SLC25A21: variants seen among roughly 807,000 people sequenced by gnomAD.
The protein encoded by SLC25A21 is mitochondrial 2-oxodicarboxylate carrier.
Under a neutral mutation model 43.8 loss-of-function variants are expected in SLC25A21, and 47 were observed. The observed-to-expected ratio is 1.07, with a 90% CI of 0.85 to 1.37. The LOEUF is 1.37. Ranked by LOEUF, SLC25A21 falls within the 40% of genes most tolerant of loss-of-function variation. The pLI is 0.00. For synonymous variants in SLC25A21, 131 were observed against 121.3 expected (o/e 1.08, Z -0.52); for missense variants, 352 against 350.2 (o/e 1.00, Z -0.04).
intron 1 of SLC25A21, among the ~76,000 whole-genome samples, chr14:37,135,481 G>A (rs1265666510): frequency 6.6e-6 from 1 of 152,120 alleles, no homozygotes; most frequent in Non-Finnish European, 1.5e-5. Context: ...CCCACCCTCG[G>A]CCTCCCAAAG....
At chr14:36,688,498 T>C (rs1013482887) in intron 7 of SLC25A21, among the ~76,000 whole-genome samples, 1 of 152,224 alleles carries the variant, frequency 6.6e-6, no homozygotes, top group Non-Finnish European at 1.5e-5. Context: ...CTGTCCCCTC[T>C]ACCCAGACCC....
intron 1 of SLC25A21, among the ~76,000 whole-genome samples, chr14:37,164,003 T>C (rs1222664814): frequency 6.6e-6 from 1 of 152,172 alleles, no homozygotes; most frequent in African/African-American, 2.4e-5. Context: ...TAAGAAGCTG[T>C]AGTCAAGGCT....
chr14:37,133,143 G>GCGCACACACA (rs144803616), intron 1 of SLC25A21, among the ~76,000 whole-genome samples: 5 of 147,962 alleles, frequency 3.4e-5, no homozygotes, highest in African/African-American at 1.2e-4. Context: ...GTGCACTCGT[G>GCGCACACACA]CACACACACA....
intron 1 of SLC25A21, among the ~76,000 whole-genome samples, chr14:36,998,110 GTGT>G (rs1342553370): frequency 6.6e-6 from 1 of 152,162 alleles, no homozygotes; most frequent in African/African-American, 2.4e-5. Flanking sequence ...GTTCTGCACA[GTGT>G]TATTATTTTA....
chr14:36,730,739 C>T (rs1278352947), intron 4 of SLC25A21, among the ~76,000 whole-genome samples: 2 of 152,146 alleles, frequency 1.3e-5, no homozygotes, highest in Non-Finnish European at 2.9e-5. Context: ...CATTCATTCA[C>T]TCGTTTAATA....
intron 1 of SLC25A21, among the ~76,000 whole-genome samples, chr14:36,969,744 G>A (rs1384763328): frequency 6.6e-6 from 1 of 151,786 alleles, no homozygotes; most frequent in African/African-American, 2.4e-5. Context: ...CTACCTCCTT[G>A]GCCTCCCAAA....
chr14:36,769,137 G>T (rs1008968575), intron 3 of SLC25A21, among the ~76,000 whole-genome samples: 1 of 152,166 alleles, frequency 6.6e-6, no homozygotes, highest in Admixed American at 6.5e-5. Flanking sequence ...AGGTGATGTG[G>T]CATTACTGAA....
chr14:36,758,304 C>G (rs1160911247), intron 3 of SLC25A21, among the ~76,000 whole-genome samples: 2 of 152,094 alleles, frequency 1.3e-5, no homozygotes, highest in African/African-American at 4.8e-5. Context: ...CTTCAAGTGG[C>G]TGATTATGGG....
At chr14:36,937,292 C>G (rs926414799) in intron 1 of SLC25A21, among the ~76,000 whole-genome samples, 1 of 152,136 alleles carries the variant, frequency 6.6e-6, no homozygotes, top group Non-Finnish European at 1.5e-5. Flanking sequence ...AAGGAGTGAA[C>G]AAGTACTCCC....
At chr14:36,821,760 C>G (rs957703533) in intron 2 of SLC25A21, among the ~76,000 whole-genome samples, 3 of 152,060 alleles carry the variant, frequency 2.0e-5, no homozygotes, top group Non-Finnish European at 4.4e-5. Flanking sequence ...GAGGTTGCAG[C>G]GAGCAGAGAT....
At chr14:37,083,027 T>C (rs1962418141) in intron 1 of SLC25A21, among the ~76,000 whole-genome samples, 2 of 152,222 alleles carry the variant, frequency 1.3e-5, no homozygotes, top group Admixed American at 1.3e-4. Flanking sequence ...CGCTCAACTG[T>C]AACTGTCTCA....
Position 36,682,927 on chromosome 14 carries a change from T to C in SLC25A21, c.838+901A>G, listed in dbSNP as rs1296856667. 2.0e-5 allele frequency among the ~76,000 whole-genome samples: 3 copies of C among 152,282 alleles called. No individual in the cohort carries two copies. In the East Asian group the frequency reaches 5.8e-4, roughly 29 times the overall value. On this transcript the variant is annotated intron_variant, in intron 9 of 9. Coordinates refer to ENST00000331299, the MANE Select transcript of SLC25A21 (RefSeq NM_030631.4). The stretch of plus-strand genomic sequence containing the variant: ...TAGATTAATAGAAATGTTGGTTCAT[T>C]GGGCTGAGATCTAAAGGTGAATGTG...
intron 1 of SLC25A21, among the ~76,000 whole-genome samples, chr14:37,028,994 T>C (rs532070629): frequency 1.3e-5 from 2 of 152,340 alleles, no homozygotes; most frequent in Admixed American, 6.5e-5. Context: ...TTCTAACTAG[T>C]ACTTGCCAGC....
At chr14:37,019,907 G>A (rs1960947608) in intron 1 of SLC25A21, among the ~76,000 whole-genome samples, 1 of 151,686 alleles carries the variant, frequency 6.6e-6, no homozygotes, top group Non-Finnish European at 1.5e-5. Flanking sequence ...ATAAAAGGAG[G>A]AAAGACAGAG....
chr14:37,025,302 G>C lies in SLC25A21; in HGVS notation c.70+146979C>G, dbSNP rs145968419. On this transcript the variant is annotated intron_variant, in intron 1 of 9. Coordinates refer to ENST00000331299, the MANE Select transcript of SLC25A21 (RefSeq NM_030631.4). Reference sequence around the variant, plus strand: ...AATAGCTCCACCCGTATCTAATCCTGGGATTGTTTTGAGAAGAACATGAGA... The same window carrying C: ...AATAGCTCCACCCGTATCTAATCCTCGGATTGTTTTGAGAAGAACATGAGA... Among the ~76,000 whole-genome samples, 508 of 152,178 alleles carry C rather than the reference G, an allele frequency of 3.3e-3. 1 individual carries two copies. Among genetic ancestry groups the C allele is most frequent in the African/African-American group, 0.011 (476 of 41,524 alleles).
chr14:36,931,588 G>C (rs1341717522), intron 1 of SLC25A21, among the ~76,000 whole-genome samples: 2 of 152,134 alleles, frequency 1.3e-5, no homozygotes, highest in Admixed American at 1.3e-4. Context: ...GTAGACAATG[G>C]GGAGCCATTC....
At chr14:37,160,526 T>C (rs960989897) in intron 1 of SLC25A21, among the ~76,000 whole-genome samples, 11 of 151,976 alleles carry the variant, frequency 7.2e-5, no homozygotes, top group African/African-American at 2.7e-4. Flanking sequence ...TTTGAACGCA[T>C]GGAAGTAGAG....
rs185505760 is a variant in SLC25A21 at position 36,680,580 on chromosome 14, G to A, written c.*78C>T. On this transcript the variant is annotated 3_prime_UTR_variant, in exon 10 of 10. Coordinates refer to ENST00000331299, the MANE Select transcript of SLC25A21 (RefSeq NM_030631.4). ...CTCCTTCATAATTATACACCTGGCCGATCGATAGTCTCTCTTCTTCATGGT... is the reference window on the plus strand; with the variant it reads ...CTCCTTCATAATTATACACCTGGCCAATCGATAGTCTCTCTTCTTCATGGT... 13 of 1,518,788 alleles carry A rather than the reference G, an allele frequency of 8.6e-6. No individual in the cohort carries two copies. The highest frequency in any genetic ancestry group is 4.9e-5 in the East Asian group (2 of 41,186). The allele number at this position is 1,518,788 out of a possible 1,614,324, so 94.1% of individuals were successfully genotyped here.
At chr14:36,691,057 C>G (rs967628471) in intron 7 of SLC25A21, among the ~76,000 whole-genome samples, 1 of 152,196 alleles carries the variant, frequency 6.6e-6, no homozygotes, top group South Asian at 2.1e-4. Context: ...GACGAGGTAC[C>G]TGAGCCATAC....
Sources: gnomAD v4.1 joint callset for allele counts (sites outside exome capture counted in the v4.1 genomes callset) on GRCh38, gnomAD v4.1.1 for gene constraint, MANE v1.5 for transcripts, NCBI Gene and HGNC (gene_info 2026-07-23, HGNC 2026-07-21) for gene names.